The following ADD2 variants were observed in gnomAD, a reference collection of about 807,000 sequenced individuals.
ADD2 encodes the protein beta-adducin.
Under a neutral mutation model 83.0 loss-of-function variants are expected in ADD2, and 23 were observed. The observed-to-expected ratio is 0.28, with a 90% CI of 0.20 to 0.39. The LOEUF is 0.39. Ranked by LOEUF, ADD2 falls within the 10% of genes least tolerant of loss-of-function variation. ADD2 has a pLI of 1.00. For missense variants in ADD2, 758 were observed against 944.9 expected (o/e 0.80, Z 2.59); for synonymous variants, 375 against 375.4 (o/e 1.00, Z 0.01).
Position 70,736,776 on chromosome 2 carries a change from G to GTT in ADD2, c.-153-23594_-153-23593dup, listed in dbSNP as rs201172481. 7.9e-3 allele frequency among the ~76,000 whole-genome samples: 1,129 copies of GTT among 143,474 alleles called. 14 individuals are homozygous for GTT. Among genetic ancestry groups the GTT allele is most frequent in the African/African-American group, 0.027 (1,067 of 39,712 alleles). 94.1% of individuals were successfully genotyped at this position (143,474 alleles called of 152,430 possible). A position where few individuals can be genotyped will look rare whatever the true frequency, so the allele number is the denominator to read the frequency against. On this transcript the variant is annotated intron_variant, in intron 1 of 15. Coordinates refer to ENST00000264436, the MANE Select transcript of ADD2 (RefSeq NM_001617.4). ...ATCTATTTCTCCCCACTGTGTTGCT[G>GTT]TTTTTTTTTTTTTAAGTTGAATGAA...
chr2:70,719,321 C>A (rs563167956), intron 1 of ADD2, among the ~76,000 whole-genome samples: 3 of 152,192 alleles, frequency 2.0e-5, no homozygotes, highest in Non-Finnish European at 4.4e-5. Flanking sequence ...GGGATGCAAT[C>A]GTAATCCCAT....
intron 1 of ADD2, among the ~76,000 whole-genome samples, chr2:70,734,355 C>G (rs1370440018): frequency 6.6e-6 from 1 of 152,018 alleles, no homozygotes; most frequent in East Asian, 1.9e-4. Flanking sequence ...ACCCCCACCC[C>G]TCACCCCCTC....
At chr2:70,764,170 G>A (rs781977969) in intron 1 of ADD2, among the ~76,000 whole-genome samples, 2 of 151,764 alleles carry the variant, frequency 1.3e-5, no homozygotes, top group Non-Finnish European at 2.9e-5. Flanking sequence ...TTACAGGCGT[G>A]AGCCACCGCG....
chr2:70,709,594 A>T (rs781832272), intron 2 of ADD2, among the ~76,000 whole-genome samples: 2 of 152,160 alleles, frequency 1.3e-5, no homozygotes, highest in Non-Finnish European at 2.9e-5. Context: ...CCCAGCTCTA[A>T]ATCAGAAAAT....
chr2:70,684,518 G>A (rs1574238857), intron 9 of ADD2, among the ~76,000 whole-genome samples: 2 of 152,130 alleles, frequency 1.3e-5, no homozygotes, highest in Non-Finnish European at 2.9e-5. Context: ...CAATGTGCTG[G>A]GATTACAGGC....
chr2:70,741,359 C>T (rs532600856), intron 1 of ADD2: 1 of 152,298 alleles, frequency 6.6e-6, no homozygotes, highest in East Asian at 1.9e-4. Flanking sequence ...ATGCCCAATC[C>T]TTTGATTAAG....
intron 15 of ADD2, among the ~76,000 whole-genome samples, chr2:70,667,092 G>C (rs1459989904): frequency 6.6e-6 from 1 of 152,176 alleles, no homozygotes; most frequent in Non-Finnish European, 1.5e-5. Context: ...GGCTGGGAGA[G>C]GCCCCAGGAA....
Position 70,753,597 on chromosome 2 carries a change from G to C in ADD2, c.-154+14289C>G, listed in dbSNP as rs898305477. Among the ~76,000 whole-genome samples, 6 of 152,150 alleles carry C rather than the reference G, an allele frequency of 3.9e-5. No individual in the cohort carries two copies. In the East Asian group the frequency reaches 1.2e-3, roughly 29 times the overall value. On this transcript the variant is annotated intron_variant, in intron 1 of 15. Transcript: ENST00000264436. ...ATGTCAGGGATGTGTGTCAGGGGTT[G>C]GGGGGTGGGAAGACAGGAGAGCTCC...
intron 1 of ADD2, among the ~76,000 whole-genome samples, chr2:70,735,973 G>A: frequency 6.7e-6 from 1 of 149,552 alleles, no homozygotes. Context: ...AAAGTGCTGA[G>A]ATTACAGGCA....
chr2:70,668,326 GC>G, intron 15 of ADD2, among the ~76,000 whole-genome samples: 1 of 152,066 alleles, frequency 6.6e-6, no homozygotes, highest in East Asian at 1.9e-4. Context: ...CCCCTGCACA[GC>G]CCATGCCACT....
chr2:70,766,151 G>A (rs1447279414), intron 1 of ADD2, among the ~76,000 whole-genome samples: 5 of 152,206 alleles, frequency 3.3e-5, no homozygotes, highest in African/African-American at 1.2e-4. Context: ...AATAAGGCTA[G>A]GCAATTTGGT....
At position 70,659,430 on chromosome 2, in the gene ADD2, G is replaced by A. The variant is rs1358715326; in HGVS notation, c.*3995C>T. ...TGCCATGTCACCATGAGCAAGTGAC[G>A]GTATCATCCACAGGGAATGGGATTC... On this transcript the variant is annotated 3_prime_UTR_variant, in exon 16 of 16. Coordinates refer to ENST00000264436, the MANE Select transcript of ADD2 (RefSeq NM_001617.4). 2.0e-5 allele frequency: 3 copies of A among 152,126 alleles called. No homozygotes were observed. Among genetic ancestry groups the A allele is most frequent in the South Asian group, 2.1e-4 (1 of 4,822 alleles). The allele number at this position is 152,126 out of a possible 1,614,324, so 9.4% of individuals were successfully genotyped here. A position where few individuals can be genotyped will look rare whatever the true frequency, so the allele number is the denominator to read the frequency against.
chr2:70,757,612 A>G (rs1044981242), intron 1 of ADD2, among the ~76,000 whole-genome samples: 5 of 152,180 alleles, frequency 3.3e-5, no homozygotes, highest in Admixed American at 6.5e-5. Context: ...TTCTAAAAAA[A>G]GGGATGCTGA....
Position 70,663,543 on chromosome 2 carries a change from G to A in ADD2, c.2063C>T (p.Thr688Ile), listed in dbSNP as rs782799145. ...GCCCTCTGGGGACATGGGGCCGCTG[G>A]TGACCGACTCGGTTTTGTCCTTAGA... Reference protein sequence around the residue: ...DTSKDKTESVTSGPMSPEGSP... With the variant: ...DTSKDKTESVISGPMSPEGSP... Residue 688 changes from threonine (T) to isoleucine (I), a missense_variant, in exon 16 of 16, where the codon ACC (threonine) becomes ATC (isoleucine). Thr to Ile is a moderately conservative substitution (Grantham distance 89). Transcript: ENST00000264436. 1.9e-6 allele frequency: 3 copies of A among 1,614,156 alleles called. No homozygotes were observed. In the Admixed American group the frequency reaches 5.0e-5, roughly 27 times the overall value.
chr2:70,684,249 A>AT (rs377440242), intron 9 of ADD2, among the ~76,000 whole-genome samples: 11 of 151,030 alleles, frequency 7.3e-5, no homozygotes, highest in African/African-American at 1.9e-4. Context: ...AATATCTCCT[A>AT]TTTTTTTTTA....
rs1675414466 is a variant in ADD2 at position 70,657,842 on chromosome 2, G to A, written c.*5583C>T. On this transcript the variant is annotated 3_prime_UTR_variant, in exon 16 of 16. Coordinates refer to ENST00000264436, the MANE Select transcript of ADD2 (RefSeq NM_001617.4). ...CCTCAGTTCGGGACACAGTGGGTGA[G>A]GAGAGGAGCCCAGGACCTGACTCTA... 1 of 152,208 alleles carries A rather than the reference G, an allele frequency of 6.6e-6. No homozygotes were observed. The highest frequency in any genetic ancestry group is 2.1e-4 in the South Asian group (1 of 4,824). 9.4% of individuals were successfully genotyped at this position (152,208 alleles called of 1,614,324 possible).
intron 3 of ADD2, among the ~76,000 whole-genome samples, chr2:70,705,023 C>T (rs3771459): frequency 0.3 from 46,133 of 151,948 alleles, 7,356 homozygotes; most frequent in East Asian, 0.44. Flanking sequence ...GGAGAAAACA[C>T]TCAGGAGGAA....
chr2:70,676,710 CAG>C lies in ADD2; in HGVS notation c.1593+84_1593+85del, dbSNP rs1553368344. 1 of 1,585,678 alleles carries C rather than the reference CAG, an allele frequency of 6.3e-7. No homozygotes were observed. Among genetic ancestry groups the C allele is most frequent in the East Asian group, 2.3e-5 (1 of 43,664 alleles). On this transcript the variant is annotated intron_variant, in intron 13 of 15. Coordinates refer to ENST00000264436, the MANE Select transcript of ADD2 (RefSeq NM_001617.4). This position sits in a 1 kb window ranked among gnomAD's most constrained non-coding sequence, Gnocchi z 4.8. ...ACAGGGGAAGGTGGGTATGAGGACT[CAG>C]GGGTCCTGCAACCCAGCCCCAGGCA...
intron 11 of ADD2, 79 bp from the exon 12 acceptor site, chr2:70,677,956 T>C: frequency 7.6e-6 from 12 of 1,589,136 alleles, no homozygotes; most frequent in Non-Finnish European, 9.5e-6. Context: ...CCACGAGATC[T>C]GGGCCCAACA....
Sources: allele counts gnomAD v4.1 joint callset (sites outside exome capture counted in the v4.1 genomes callset), GRCh38; gene constraint gnomAD v4.1.1; non-coding constraint Gnocchi (gnomAD v3.1); transcripts MANE v1.5; gene names NCBI Gene and HGNC (gene_info 2026-07-23, HGNC 2026-07-21).